Variants in HYKK observed in about 807,000 individuals in gnomAD.
The protein encoded by HYKK is 5-hydroxy-L-lysine kinase.
In HYKK, 19 loss-of-function variants were observed where a neutral mutation model predicts 29.7. That is an observed-to-expected ratio of 0.64 (90% confidence interval 0.45 to 0.94). HYKK has a LOEUF of 0.94. HYKK is among the 40% of genes least tolerant of loss of function. The probability of loss-of-function intolerance (pLI) is 0.00; values close to 1 mark genes in which losing one functional copy is unlikely to be tolerated. For missense variants in HYKK, 390 were observed against 443.4 expected, an observed-to-expected ratio of 0.88 and a Z score of 1.08; for synonymous variants, 152 against 158.1, an observed-to-expected ratio of 0.96 and a Z score of 0.29.
chr15:78,531,401 T>G (rs538358405), intron 4 of HYKK, among the ~76,000 whole-genome samples: 1 of 152,334 alleles, frequency 6.6e-6, no homozygotes, highest in East Asian at 1.9e-4. Flanking sequence ...TTCTGTAACT[T>G]TCACTTACAT....
chr15:78,511,918 T>C (rs2052077206), intron 1 of HYKK, among the ~76,000 whole-genome samples: 1 of 152,152 alleles, frequency 6.6e-6, no homozygotes, highest in African/African-American at 2.4e-5. Context: ...TGTCTTCCCT[T>C]AGGCTGTAGT....
chr15:78,522,627 AG>A (rs1477970807), intron 3 of HYKK, among the ~76,000 whole-genome samples: 1 of 151,342 alleles, frequency 6.6e-6, no homozygotes, highest in Non-Finnish European at 1.5e-5. Context: ...CTGTAATCTC[AG>A]CACTTTGGGA....
chr15:78,517,018 CA>C (rs1348601146), intron 3 of HYKK, among the ~76,000 whole-genome samples: 2 of 143,414 alleles, frequency 1.4e-5, no homozygotes, highest in Admixed American at 7.0e-5. Context: ...GACCTTGTCT[CA>C]AAAAAAAAGA....
intron 3 of HYKK, among the ~76,000 whole-genome samples, chr15:78,516,753 C>A (rs1171398711): frequency 6.6e-6 from 1 of 151,690 alleles, no homozygotes; most frequent in Non-Finnish European, 1.5e-5. Context: ...GGTGTGGTGA[C>A]TCACGCCTAT....
At chr15:78,525,588 T>C (rs2052244569) in intron 3 of HYKK, among the ~76,000 whole-genome samples, 1 of 150,244 alleles carries the variant, frequency 6.7e-6, no homozygotes, top group Non-Finnish European at 1.5e-5. Context: ...ACCTCCGCCC[T>C]CCAGGTTCAA....
rs2052360749 is a variant in HYKK, at chr15:78,536,175, TA to T, written c.*2510del. ...GATAAGAAAATAGCAGCTGAAAAAG[TA>T]AAAATAATTTCCTCAAAGACAGCCA... On this transcript the variant is annotated 3_prime_UTR_variant, in exon 5 of 5. Transcript: ENST00000388988. 6.6e-6 allele frequency: 1 copy of T among 152,104 alleles called. No homozygotes were observed. The highest frequency in any genetic ancestry group is 6.5e-5 in the Admixed American group (1 of 15,268). The allele number at this position is 152,104 out of a possible 1,614,324, so 9.4% of individuals were successfully genotyped here.
chr15:78,529,828 T>C (rs2052292569), intron 4 of HYKK, among the ~76,000 whole-genome samples: 1 of 150,114 alleles, frequency 6.7e-6, no homozygotes, highest in Non-Finnish European at 1.5e-5. Flanking sequence ...GTACAGTATG[T>C]TTGGATGCAT....
intron 2 of HYKK, among the ~76,000 whole-genome samples, chr15:78,513,872 G>T (rs2052100540): frequency 2.0e-5 from 3 of 152,098 alleles, no homozygotes; most frequent in Non-Finnish European, 4.4e-5. Context: ...GCTCACTGCA[G>T]CCTTGACCTC....
intron 2 of HYKK, among the ~76,000 whole-genome samples, chr15:78,513,875 T>C (rs2052100663): frequency 6.6e-6 from 1 of 152,210 alleles, no homozygotes; most frequent in Admixed American, 6.6e-5. Context: ...CACTGCAGCC[T>C]TGACCTCCTG....
In HYKK at chr15:78,534,564, T is replaced by G. The variant is rs1005459427; in HGVS notation, c.*894T>G. ...CCGTGCCCGGCCTCCTCATCCCTTC[T>G]TATCACACCTGCTATTATAGTGCCT... On this transcript the variant is annotated 3_prime_UTR_variant, in exon 5 of 5. Transcript: ENST00000388988. 6.6e-6 allele frequency: 1 copy of G among 152,234 alleles called. No individual in the cohort carries two copies. The highest frequency in any genetic ancestry group is 2.4e-5 in the African/African-American group (1 of 41,446). The allele number at this position is 152,234 out of a possible 1,614,324, so 9.4% of individuals were successfully genotyped here. A position where few individuals can be genotyped will look rare whatever the true frequency, so the allele number is the denominator to read the frequency against.
chr15:78,517,224 A>G (rs2052145254), intron 3 of HYKK, among the ~76,000 whole-genome samples: 1 of 148,952 alleles, frequency 6.7e-6, no homozygotes, highest in African/African-American at 2.5e-5. Context: ...GAAATCTGCC[A>G]TCAGATCGTC....
intron 3 of HYKK, among the ~76,000 whole-genome samples, chr15:78,523,322 G>A (rs935901756): frequency 2.0e-5 from 3 of 152,106 alleles, no homozygotes; most frequent in African/African-American, 7.2e-5. Context: ...GCAAGCCGGG[G>A]GTGCTGCATA....
chr15:78,527,309 G>A (rs1246855248), intron 3 of HYKK, 71 bp from the exon 4 acceptor site: 2 of 1,173,034 alleles, frequency 1.7e-6, no homozygotes, highest in Admixed American at 4.5e-5. Flanking sequence ...AAAAAAATGT[G>A]CAGCACCTCC....
chr15:78,533,164 A>G, intron 4 of HYKK, 46 bp from the exon 5 acceptor site: 1 of 1,198,772 alleles, frequency 8.3e-7, no homozygotes, highest in Non-Finnish European at 1.2e-6. Context: ...AGGGGAATGA[A>G]TTGGGATATT....
At chr15:78,536,749 T>C (rs12439240), downstream of HYKK, 42,084 of 152,092 alleles carry the variant, frequency 0.28, 6,537 homozygotes, top group Admixed American at 0.47. Flanking sequence ...CTTGCCTGGA[T>C]TAAGGGATAC....
rs3885951 is a variant in HYKK, at chr15:78,533,575, A to G, written c.1027A>G (p.Lys343Glu). ...CATGGTTACTGCAAAAACCGGGTGG[A>G]AACACTTACAGCAAATGTTTGACAT... ...YLMVTAKTGW[K>E]HLQQMFDMGQ... Residue 343 changes from lysine to glutamate, a missense_variant, in exon 5 of 5, where the codon AAA becomes GAA. Transcript: ENST00000388988. 0.085 allele frequency: 137,945 copies of G among 1,614,076 alleles called. 6,575 individuals carry two copies. Among genetic ancestry groups the G allele is most frequent in the Middle Eastern group, 0.14 (866 of 6,062 alleles).
chr15:78,524,654 C>G (rs2052230961), intron 3 of HYKK, among the ~76,000 whole-genome samples: 1 of 152,060 alleles, frequency 6.6e-6, no homozygotes, highest in Admixed American at 6.6e-5. Flanking sequence ...ATTAAAAACA[C>G]AAAAATTAGC....
chr15:78,526,758 G>A (rs1341546897), intron 3 of HYKK, among the ~76,000 whole-genome samples: 1 of 152,212 alleles, frequency 6.6e-6, no homozygotes, highest in Non-Finnish European at 1.5e-5. Context: ...ATAATTATGA[G>A]GATCAAGTGA....
downstream of HYKK, chr15:78,537,244 T>C: frequency 1.8e-6 from 1 of 541,192 alleles, no homozygotes. Context: ...ATTCGGTTTC[T>C]CTGGAAGACC....
Sources: gnomAD v4.1 joint callset for allele counts (sites outside exome capture counted in the v4.1 genomes callset) on GRCh38, gnomAD v4.1.1 for gene constraint, MANE v1.5 for transcripts, NCBI Gene and HGNC (gene_info 2026-07-23, HGNC 2026-07-21) for gene names.